TNNI3K: variants seen among roughly 807,000 people sequenced by gnomAD.
TNNI3K encodes serine/threonine-protein kinase TNNI3K.
Under a neutral mutation model 114.5 loss-of-function variants are expected in TNNI3K, and 140 were observed. The observed-to-expected ratio is 1.22, with a 90% CI of 1.07 to 1.41. The LOEUF (loss-of-function observed/expected upper bound fraction) is 1.41. TNNI3K is among the 40% of genes most tolerant of loss of function. TNNI3K has a pLI of 0.00. For synonymous variants in TNNI3K, 347 were observed against 347.5 expected (o/e 1.00, Z 0.02); for missense variants, 1,125 against 1,007.6 (o/e 1.12, Z -1.58).
In TNNI3K at chr1:74,522,004, A is replaced by G. The variant is rs45544233; in HGVS notation, c.2352-18230A>G. 6.6e-3 allele frequency among the ~76,000 whole-genome samples: 998 copies of G among 152,276 alleles called. 4 individuals carry two copies. The highest frequency in any genetic ancestry group is 0.01 in the Non-Finnish European group (714 of 68,022). ...TCCAGGTAGAGTAAAAAAAATTCAG[A>G]TGAGGGAGATATATCAACATCCCTT... On this transcript the variant is annotated intron_variant, in intron 23 of 24. Coordinates refer to ENST00000326637, the MANE Select transcript of TNNI3K (RefSeq NM_015978.3).
intron 21 of TNNI3K, among the ~76,000 whole-genome samples, chr1:74,486,009 C>T (rs975731646): frequency 6.6e-6 from 1 of 152,058 alleles, no homozygotes; most frequent in Non-Finnish European, 1.5e-5. Flanking sequence ...GGACTCCTGA[C>T]CAGTGGAAAC....
At chr1:74,505,466 T>C (rs1291899387) in intron 23 of TNNI3K, among the ~76,000 whole-genome samples, 1 of 152,220 alleles carries the variant, frequency 6.6e-6, no homozygotes, top group East Asian at 1.9e-4. Flanking sequence ...ATGATTCAGA[T>C]ACAAGAGCAA....
intron 17 of TNNI3K, among the ~76,000 whole-genome samples, chr1:74,410,247 T>C (rs1459831091): frequency 6.6e-6 from 1 of 152,150 alleles, no homozygotes; most frequent in African/African-American, 2.4e-5. Flanking sequence ...CATTTTAAAT[T>C]TTAAAATTAA....
At chr1:74,535,627 A>T (rs1646651705) in intron 23 of TNNI3K, among the ~76,000 whole-genome samples, 1 of 152,194 alleles carries the variant, frequency 6.6e-6, no homozygotes, top group Non-Finnish European at 1.5e-5. Context: ...ACTTCCAGGG[A>T]TGGAACAGTA....
At chr1:74,390,405 A>C (rs2100566769) in intron 17 of TNNI3K, among the ~76,000 whole-genome samples, 1 of 152,272 alleles carries the variant, frequency 6.6e-6, no homozygotes, top group East Asian at 1.9e-4. Flanking sequence ...CTCTAATTAT[A>C]AAAGGTACAG....
chr1:74,236,250 T>C, intron 2 of TNNI3K, 40 bp downstream of exon 2: 1 of 1,536,504 alleles, frequency 6.5e-7, no homozygotes, highest in Non-Finnish European at 8.9e-7. Context: ...TATAAGTGTC[T>C]TCAGTATTCA....
intron 20 of TNNI3K, among the ~76,000 whole-genome samples, chr1:74,451,600 T>TCTTTTCTTTCCTTCCTTCCTTC (rs1234650074): frequency 6.6e-6 from 1 of 151,198 alleles, no homozygotes; most frequent in African/African-American, 2.4e-5. Context: ...TTCCTTCCTT[T>TCTTTTCTTTCCTTCCTTCCTTC]CTTTTCTTTC....
rs1666299382 is a variant in TNNI3K, at chr1:74,439,862, G to C, written c.2011+240G>C. 2.6e-5 allele frequency among the ~76,000 whole-genome samples: 4 copies of C among 152,076 alleles called. No individual in the cohort carries two copies. The South Asian group carries it at 8.3e-4, about 32-fold the overall frequency. On this transcript the variant is annotated intron_variant, in intron 20 of 24. Coordinates refer to ENST00000326637, the MANE Select transcript of TNNI3K (RefSeq NM_015978.3). ...TATATTTTATTAAAGTTTGGGACTT[G>C]ATTTATTGATTGTTAATAAAACAAG...
chr1:74,409,332 C>T (rs933464742), intron 17 of TNNI3K, among the ~76,000 whole-genome samples: 3 of 152,082 alleles, frequency 2.0e-5, no homozygotes, highest in African/African-American at 7.2e-5. Context: ...AAGCAGTGCT[C>T]TTTTATCTAA....
intron 17 of TNNI3K, among the ~76,000 whole-genome samples, chr1:74,385,630 A>T (rs1663432816): frequency 6.6e-6 from 1 of 152,186 alleles, no homozygotes; most frequent in African/African-American, 2.4e-5. Context: ...AAAAAGGTTT[A>T]CTAAGATGGC....
chr1:74,270,229 A>T (rs781117434), intron 4 of TNNI3K, among the ~76,000 whole-genome samples: 1 of 151,742 alleles, frequency 6.6e-6, no homozygotes, highest in African/African-American at 2.4e-5. Flanking sequence ...CTCATTTGAG[A>T]TTTATGTGGA....
intron 23 of TNNI3K, among the ~76,000 whole-genome samples, chr1:74,514,824 C>A (rs1351183404): frequency 6.6e-6 from 1 of 152,088 alleles, no homozygotes; most frequent in Non-Finnish European, 1.5e-5. Flanking sequence ...AAGTCTCAGA[C>A]CCTGGTACCT....
At chr1:74,298,877 A>G (rs1003314169) in intron 5 of TNNI3K, among the ~76,000 whole-genome samples, 1 of 152,142 alleles carries the variant, frequency 6.6e-6, no homozygotes, top group African/African-American at 2.4e-5. Flanking sequence ...GCATCAATGT[A>G]TCTTCTAAAA....
At position 74,543,978 on chromosome 1, in the gene TNNI3K, G is replaced by A. The variant is rs1346092175; in HGVS notation, c.2504G>A (p.Ser835Asn). The A allele has an allele frequency of 6.2e-7, 1 of 1,612,818 alleles. No individual in the cohort carries two copies. Among genetic ancestry groups the A allele is most frequent in the South Asian group, 1.1e-5 (1 of 90,734 alleles). Residue 835 changes from serine (S) to asparagine (N), a missense_variant, in exon 25 of 25, where the codon AGC becomes AAC. Physicochemically the swap from Ser to Asn is conservative, Grantham distance 46 (BLOSUM62 1). Transcript: ENST00000326637. ...AATAGTAGCAGCTTTGAGGACAGCA[G>A]CTGACAGCATTCGGCGTATACCTAA... ...CRNSSSFEDS[S>N]
chr1:74,308,695 A>C (rs1482859813), intron 5 of TNNI3K, among the ~76,000 whole-genome samples: 1 of 152,194 alleles, frequency 6.6e-6, no homozygotes, highest in Non-Finnish European at 1.5e-5. Flanking sequence ...AACAATATAC[A>C]AATAATCAAT....
intron 17 of TNNI3K, among the ~76,000 whole-genome samples, chr1:74,395,438 C>T (rs1286394385): frequency 6.6e-6 from 1 of 152,116 alleles, no homozygotes; most frequent in Non-Finnish European, 1.5e-5. Flanking sequence ...CCCTGCAGAA[C>T]CCATAGACAA....
intron 20 of TNNI3K, among the ~76,000 whole-genome samples, chr1:74,457,012 A>G (rs1667255042): frequency 6.6e-6 from 1 of 152,134 alleles, no homozygotes; most frequent in South Asian, 2.1e-4. Flanking sequence ...GTCCTTTTCC[A>G]CATATTATTT....
At chr1:74,348,527 C>T (rs1167144780) in intron 9 of TNNI3K, among the ~76,000 whole-genome samples, 5 of 152,144 alleles carry the variant, frequency 3.3e-5, no homozygotes, top group Non-Finnish European at 5.9e-5. Context: ...TTTTCCAATT[C>T]TGTGAAGAAA....
intron 2 of TNNI3K, among the ~76,000 whole-genome samples, chr1:74,249,020 T>G (rs1654761937): frequency 6.6e-6 from 1 of 152,172 alleles, no homozygotes; most frequent in African/African-American, 2.4e-5. Context: ...TCTTGGCCTT[T>G]TATATTTGAC....
Sources: allele counts gnomAD v4.1 joint callset (sites outside exome capture counted in the v4.1 genomes callset), GRCh38; gene constraint gnomAD v4.1.1; transcripts MANE v1.5; gene names NCBI Gene and HGNC (gene_info 2026-07-23, HGNC 2026-07-21).